SCAF11: variants seen among roughly 807,000 people sequenced by gnomAD.
SCAF11 encodes SR-related CTD associated factor 11, also known as protein SCAF11.
A neutral mutation model predicts 140.5 loss-of-function variants in SCAF11; 47 were observed. The observed-to-expected ratio is 0.33, with a 90% CI of 0.26 to 0.43. The LOEUF (loss-of-function observed/expected upper bound fraction) is 0.43, where lower values mean the gene tolerates loss of function less well. Ranked by LOEUF, SCAF11 falls within the 20% of genes least tolerant of loss-of-function variation. The pLI, the probability that SCAF11 is intolerant of heterozygous loss-of-function variation, is 1.00. For missense variants in SCAF11, 1,645 were observed against 1,705.1 expected (o/e 0.96, Z 0.62); for synonymous variants, 557 against 579.4 (o/e 0.96, Z 0.55).
chr12:45,961,929 G>C, intron 2 of SCAF11, 72 bp from the exon 3 acceptor site: 3 of 1,272,030 alleles, frequency 2.4e-6, no homozygotes, highest in Non-Finnish European at 3.2e-6. Context: ...TAGGAGTATA[G>C]TGGATTAGAT....
At chr12:45,932,937 T>A (rs572817223) in intron 9 of SCAF11, among the ~76,000 whole-genome samples, 194 bp downstream of exon 9, 1 of 152,234 alleles carries the variant, frequency 6.6e-6, no homozygotes, top group East Asian at 1.9e-4. Flanking sequence ...AACAGATAAA[T>A]TAAGGATTCT....
At chr12:45,931,803 C>T (rs1316164869) in intron 9 of SCAF11, among the ~76,000 whole-genome samples, 191 bp from the exon 10 acceptor site, 2 of 151,920 alleles carry the variant, frequency 1.3e-5, no homozygotes, top group Non-Finnish European at 2.9e-5. Context: ...GGCTAAAATT[C>T]AGAAAAAAAC....
At chr12:45,959,821 T>C (rs1035777828) in intron 3 of SCAF11, among the ~76,000 whole-genome samples, 2 of 152,224 alleles carry the variant, frequency 1.3e-5, no homozygotes, top group Non-Finnish European at 2.9e-5. Context: ...TAAATGATGA[T>C]TGCTATCCCC....
Position 45,934,284 on chromosome 12 carries a change from G to A in SCAF11, c.524C>T (p.Pro175Leu). The stretch of plus-strand genomic sequence containing the variant: ...ATTTGTACTCCAATTTGATCTCTGA[G>A]GCTAGAAAAGTAAAAAGTAGTTAGT... ...KKNAAIKINK[P>L]QRSNWSTNQC... The change falls in exon 8 of 15, where the codon CCT (proline) becomes CTT (leucine). Residue 175 changes from proline to leucine, a missense_variant and splice_region_variant. Pro to Leu is a moderately conservative substitution (Grantham distance 98). This residue lies in a region of SCAF11 where 1,582 missense variants were observed against 1,609.2 expected (regional missense o/e 0.98). Coordinates refer to ENST00000369367, the MANE Select transcript of SCAF11 (RefSeq NM_004719.3). 6.3e-7 allele frequency: 1 copy of A among 1,593,730 alleles called. No homozygotes were observed. The highest frequency in any genetic ancestry group is 1.1e-5 in the South Asian group (1 of 88,360).
In SCAF11 at chr12:45,972,929, GATATATATAGATATAT is replaced by G. The variant is rs1565689016; in HGVS notation, c.-21-8757_-21-8742del. On this transcript the variant is annotated intron_variant, in intron 1 of 14. Coordinates refer to ENST00000369367, the MANE Select transcript of SCAF11 (RefSeq NM_004719.3). ...ATATAGATATATATATAGATATATA[GATATATATAGATATAT>G]ATATAGATATATAGATATATATATA... is the stretch of plus-strand genomic sequence containing the variant. Among the ~76,000 whole-genome samples, 267 of 86,522 alleles carry G rather than the reference GATATATATAGATATAT, an allele frequency of 3.1e-3. 11 individuals carry two copies. The highest frequency in any genetic ancestry group is 5.3e-3 in the Middle Eastern group (1 of 190). The allele number at this position is 86,522 out of a possible 152,430, so 56.8% of individuals were successfully genotyped here.
At chr12:45,943,819 G>A (rs1945361717) in intron 6 of SCAF11, among the ~76,000 whole-genome samples, 2 of 152,098 alleles carry the variant, frequency 1.3e-5, no homozygotes, top group Admixed American at 6.6e-5. Flanking sequence ...TTGAGTTACA[G>A]GCCTTAGATA....
At position 45,974,227 on chromosome 12, in the gene SCAF11, CT is replaced by C. The variant is rs1307291787; in HGVS notation, c.-21-10040del. Reference sequence around the variant, plus strand: ...AATGCTAACAATCATCTCAGCAAGGCTTCAGCAAGTCATAATCTTTTTGATG... The same window carrying C: ...AATGCTAACAATCATCTCAGCAAGGCTCAGCAAGTCATAATCTTTTTGATG... On this transcript the variant is annotated intron_variant, in intron 1 of 14. Coordinates refer to ENST00000369367, the MANE Select transcript of SCAF11 (RefSeq NM_004719.3). 4.7e-5 allele frequency: 22 copies of C among 470,694 alleles called. 1 individual carries two copies. In the Admixed American group the frequency reaches 4.9e-4, roughly 11 times the overall value. The allele number at this position is 470,694 out of a possible 1,614,324, so 29.2% of individuals were successfully genotyped here.
intron 9 of SCAF11, among the ~76,000 whole-genome samples, chr12:45,932,050 T>C (rs928569350): frequency 2.0e-5 from 3 of 152,080 alleles, no homozygotes; most frequent in Non-Finnish European, 4.4e-5. Flanking sequence ...CATATATATA[T>C]ATATATGTCT....
chr12:45,968,904 C>T (rs1288661161), intron 1 of SCAF11, among the ~76,000 whole-genome samples: 4 of 152,082 alleles, frequency 2.6e-5, no homozygotes, highest in South Asian at 2.1e-4. Context: ...CCAGCCTGGG[C>T]GACAGAGCGA....
chr12:45,946,641 GA>G (rs55966315), intron 5 of SCAF11, among the ~76,000 whole-genome samples: 43,690 of 146,862 alleles, frequency 0.3, 6,503 homozygotes, highest in East Asian at 0.35. Flanking sequence ...TTTTGAGGGA[GA>G]AAAAAAAAAA....
intron 5 of SCAF11, among the ~76,000 whole-genome samples, chr12:45,945,676 A>C (rs1035418775): frequency 2.0e-5 from 3 of 151,518 alleles, no homozygotes; most frequent in Non-Finnish European, 4.4e-5. Flanking sequence ...AGCTTGGACT[A>C]CAGGCATGCA....
chr12:45,958,235 T>C (rs759614962), intron 3 of SCAF11, among the ~76,000 whole-genome samples: 51 of 152,174 alleles, frequency 3.4e-4, no homozygotes, highest in Non-Finnish European at 6.6e-4. Flanking sequence ...CCTGTGTGTG[T>C]TTGTATGTGT....
upstream of SCAF11, among the ~76,000 whole-genome samples, chr12:45,991,356 G>A (rs1312235274): frequency 2.6e-5 from 4 of 152,186 alleles, no homozygotes. Flanking sequence ...CTTGAGCTCA[G>A]CAGTTCGAGA....
chr12:45,986,856 C>G (rs562230980), intron 1 of SCAF11, among the ~76,000 whole-genome samples: 8 of 152,016 alleles, frequency 5.3e-5, no homozygotes, highest in African/African-American at 1.9e-4. Flanking sequence ...TAAGAAGTGC[C>G]CTTCTCCTCC....
At chr12:45,933,667 A>C (rs78228040) in intron 8 of SCAF11, among the ~76,000 whole-genome samples, 84 of 152,278 alleles carry the variant, frequency 5.5e-4, no homozygotes, top group African/African-American at 2.0e-3. Context: ...ACTTAGACAT[A>C]ATTTTTTTCT....
intron 8 of SCAF11, 32 bp from the exon 9 acceptor site, chr12:45,933,264 T>A: frequency 6.7e-7 from 1 of 1,492,894 alleles, no homozygotes. Context: ...TTCATCAGAA[T>A]CTCACAATTT....
intron 1 of SCAF11, among the ~76,000 whole-genome samples, chr12:45,983,781 ACAC>A: frequency 6.6e-6 from 1 of 151,554 alleles, no homozygotes; most frequent in South Asian, 2.1e-4. Flanking sequence ...ACACACACAC[ACAC>A]AAAGACTGAA....
At chr12:45,990,872 C>T (rs1194729479), upstream of SCAF11, among the ~76,000 whole-genome samples, 1 of 152,246 alleles carries the variant, frequency 6.6e-6, no homozygotes. Context: ...TGGGAAACGT[C>T]CTTCCAGCAC....
intron 10 of SCAF11, among the ~76,000 whole-genome samples, chr12:45,930,326 A>T (rs1222497024): frequency 6.6e-6 from 1 of 152,236 alleles, no homozygotes; most frequent in Non-Finnish European, 1.5e-5. Flanking sequence ...TGCACTAAAC[A>T]CTATGAAAAA....
Sources: allele counts gnomAD v4.1 joint callset (sites outside exome capture counted in the v4.1 genomes callset), GRCh38; gene constraint gnomAD v4.1.1; regional missense constraint gnomAD v4.1.1; transcripts MANE v1.5; gene names NCBI Gene and HGNC (gene_info 2026-07-23, HGNC 2026-07-21).